PTPN9: variants seen among roughly 807,000 people sequenced by gnomAD.
PTPN9 encodes tyrosine-protein phosphatase non-receptor type 9.
PTPN9 carries 26 observed loss-of-function variants against 69.8 expected under a neutral mutation model. The ratio of observed to expected loss-of-function variants is 0.37; its 90% CI spans 0.27 to 0.52. The LOEUF (loss-of-function observed/expected upper bound fraction) is 0.52, where lower values mean the gene tolerates loss of function less well. Ranked by LOEUF, PTPN9 falls within the 20% of genes least tolerant of loss-of-function variation. The pLI, the probability that PTPN9 is intolerant of heterozygous loss-of-function variation, is 0.91. For missense variants in PTPN9, 549 were observed against 740.3 expected (o/e 0.74, Z 3.00); for synonymous variants, 274 against 272.5 (o/e 1.01, Z -0.05).
intron 4 of PTPN9, among the ~76,000 whole-genome samples, chr15:75,520,073 G>C (rs1260791364): frequency 6.6e-6 from 1 of 152,130 alleles, no homozygotes; most frequent in African/African-American, 2.4e-5. Flanking sequence ...AGGCTGCTGT[G>C]AGTTATGATG....
chr15:75,556,664 A>C (rs531047859), intron 1 of PTPN9, among the ~76,000 whole-genome samples: 28 of 152,302 alleles, frequency 1.8e-4, no homozygotes, highest in Non-Finnish European at 3.7e-4. Context: ...GGTGTGAGCC[A>C]CCACACCTGG....
rs959674028 is a variant in PTPN9 at position 75,559,374 on chromosome 15, G to A, written c.63+19340C>T. ...AAGATAGAGAAATCAGACTGTTGCTGTGTCTGTGTAGAAAGAAGTAGACAT... is the reference window on the plus strand; with the variant it reads ...AAGATAGAGAAATCAGACTGTTGCTATGTCTGTGTAGAAAGAAGTAGACAT... On this transcript the variant is annotated intron_variant, in intron 1 of 12. Transcript: ENST00000618819. 3.3e-5 allele frequency among the ~76,000 whole-genome samples: 5 copies of A among 152,316 alleles called. No individual in the cohort carries two copies. The South Asian group carries it at 1.0e-3, about 32-fold the overall frequency.
At chr15:75,548,232 A>G (rs1268442639) in intron 1 of PTPN9, among the ~76,000 whole-genome samples, 1 of 151,970 alleles carries the variant, frequency 6.6e-6, no homozygotes, top group Non-Finnish European at 1.5e-5. Context: ...ATTTAACTAA[A>G]TTAAAATATC....
At chr15:75,500,868 C>T (rs1459242553) in intron 7 of PTPN9, among the ~76,000 whole-genome samples, 1 of 151,408 alleles carries the variant, frequency 6.6e-6, no homozygotes, top group African/African-American at 2.4e-5. Flanking sequence ...GTCTGGGGGA[C>T]AGAGCAAGAC....
At chr15:75,540,559 A>AAAAGAAAG (rs371414252) in intron 1 of PTPN9, among the ~76,000 whole-genome samples, 5 of 106,742 alleles carry the variant, frequency 4.7e-5, no homozygotes, top group East Asian at 4.4e-4. Flanking sequence ...AAAAAAAAAA[A>AAAAGAAAG]AAAGAAAGAA....
intron 8 of PTPN9, among the ~76,000 whole-genome samples, chr15:75,482,741 C>T (rs1330875996): frequency 1.3e-5 from 2 of 151,312 alleles, no homozygotes; most frequent in Non-Finnish European, 2.9e-5. Flanking sequence ...CCTGCCAAAT[C>T]CCCCTCTGTG....
intron 12 of PTPN9, among the ~76,000 whole-genome samples, chr15:75,469,205 G>C (rs2074551537): frequency 6.6e-6 from 1 of 152,210 alleles, no homozygotes; most frequent in African/African-American, 2.4e-5. Flanking sequence ...ATACACTTGG[G>C]GTAACAGGAA....
At chr15:75,561,668 A>G (rs796537745) in intron 1 of PTPN9, among the ~76,000 whole-genome samples, 3 of 152,148 alleles carry the variant, frequency 2.0e-5, no homozygotes, top group African/African-American at 4.8e-5. Flanking sequence ...CCAACAACAG[A>G]TATGTGCCAC....
intron 1 of PTPN9, among the ~76,000 whole-genome samples, chr15:75,539,629 G>C (rs115442264): frequency 0.011 from 1,675 of 151,820 alleles, 35 homozygotes; most frequent in African/African-American, 0.038. Context: ...TTAATTGGAG[G>C]ACCACGAAGG....
intron 7 of PTPN9, among the ~76,000 whole-genome samples, chr15:75,495,715 C>T (rs1453127358): frequency 2.0e-5 from 3 of 151,270 alleles, no homozygotes; most frequent in South Asian, 4.2e-4. Flanking sequence ...ACAACAACCA[C>T]AACAACAAAA....
rs148670618 is a variant in PTPN9 at position 75,560,910 on chromosome 15, T to C, written c.63+17804A>G. ...GGCTCGTGCCTGTAATCCCAGCTACTCAGGAGGCTGAGACAGGAGAATCGC... is the reference window on the plus strand; with the variant it reads ...GGCTCGTGCCTGTAATCCCAGCTACCCAGGAGGCTGAGACAGGAGAATCGC... On this transcript the variant is annotated intron_variant, in intron 1 of 12. Coordinates refer to ENST00000618819, the MANE Select transcript of PTPN9 (RefSeq NM_002833.4). 8.0e-3 allele frequency among the ~76,000 whole-genome samples: 1,208 copies of C among 151,678 alleles called. 20 individuals are homozygous for C. The highest frequency in any genetic ancestry group is 0.028 in the African/African-American group (1,145 of 41,306).
chr15:75,552,047 A>AAAAAAAG lies in PTPN9; in HGVS notation c.64-24793_64-24787dup, dbSNP rs911690434. Among the ~76,000 whole-genome samples the AAAAAAAG allele has an allele frequency of 8.4e-4, 127 of 151,828 alleles. 1 individual carries two copies. The highest frequency in any genetic ancestry group is 2.9e-3 in the African/African-American group (120 of 41,394). On this transcript the variant is annotated intron_variant, in intron 1 of 12. Coordinates refer to ENST00000618819, the MANE Select transcript of PTPN9 (RefSeq NM_002833.4). ...ACAGAGTGAGACTCCATCTCAAAAA[A>AAAAAAAG]AAAAAAGAAAAAAGAAAAAAGAAAA... is the stretch of plus-strand genomic sequence containing the variant.
At chr15:75,473,917 T>G in intron 9 of PTPN9, 150 bp from the exon 10 acceptor site, 1 of 628,262 alleles carries the variant, frequency 1.6e-6, no homozygotes, top group East Asian at 2.7e-5. Context: ...TTCAGTATAG[T>G]CCGTGGACCA....
chr15:75,539,252 T>A (rs973724533), intron 1 of PTPN9, among the ~76,000 whole-genome samples: 3 of 145,320 alleles, frequency 2.1e-5, no homozygotes, highest in African/African-American at 7.6e-5. Context: ...CGGCCAGTGA[T>A]TTATCTTTAG....
At chr15:75,484,259 T>G (rs897461195) in intron 8 of PTPN9, among the ~76,000 whole-genome samples, 7 of 152,126 alleles carry the variant, frequency 4.6e-5, no homozygotes, top group Non-Finnish European at 1.0e-4. Flanking sequence ...CATCAAGACT[T>G]GCAACACTGT....
At chr15:75,482,000 C>T (rs1433069896) in intron 8 of PTPN9, among the ~76,000 whole-genome samples, 5 of 145,182 alleles carry the variant, frequency 3.4e-5, no homozygotes, top group Non-Finnish European at 4.5e-5. Flanking sequence ...ACAATGGCGG[C>T]TTTGTGGAAT....
intron 6 of PTPN9, 140 bp from the exon 7 acceptor site, chr15:75,506,143 T>C (rs1288596343): frequency 2.9e-6 from 2 of 685,960 alleles, no homozygotes; most frequent in African/African-American, 1.8e-5. Context: ...GTAAAAGTAG[T>C]AGACTACATT....
chr15:75,473,692 G>C lies in PTPN9; in HGVS notation c.1205C>G (p.Thr402Ser). 1 of 1,558,148 alleles carries C rather than the reference G, an allele frequency of 6.4e-7. No homozygotes were observed. The highest frequency in any genetic ancestry group is 8.9e-7 in the Non-Finnish European group (1 of 1,129,048). The change falls in exon 10 of 13, where the codon ACC becomes AGC. Residue 402 changes from threonine to serine, a missense_variant. Thr to Ser is a moderately conservative substitution (Grantham distance 58). This residue lies in a region of PTPN9 where 457 missense variants were observed against 661.9 expected (regional missense o/e 0.69). Transcript: ENST00000618819. ...TGGAAAAAAGGGATTAACTCACCGG[G>C]TGGTCATGACAATCACCAAGACTTT... ...EQKVLVIVMT[T>S]RFEEGGRRKC...
intron 9 of PTPN9, among the ~76,000 whole-genome samples, chr15:75,477,669 C>CACTTA (rs1292604454): frequency 2.0e-5 from 3 of 151,932 alleles, no homozygotes; most frequent in African/African-American, 7.3e-5. Flanking sequence ...AATACTTGAG[C>CACTTA]ACTTACTAGG....
Sources: allele counts gnomAD v4.1 joint callset (sites outside exome capture counted in the v4.1 genomes callset), GRCh38; gene constraint gnomAD v4.1.1; regional missense constraint gnomAD v4.1.1; transcripts MANE v1.5; gene names NCBI Gene and HGNC (gene_info 2026-07-23, HGNC 2026-07-21).